ALG14: variants seen among roughly 807,000 people sequenced by gnomAD.
The protein encoded by ALG14 is UDP-N-acetylglucosamine transferase subunit ALG14.
A neutral mutation model predicts 22.8 loss-of-function variants in ALG14; 17 were observed. That is an observed-to-expected ratio of 0.75 (90% CI 0.51 to 1.12). The LOEUF (loss-of-function observed/expected upper bound fraction) is 1.12, where lower values mean the gene tolerates loss of function less well. Among genes scored for constraint, ALG14 ranks in the 50% most tolerant of loss-of-function variants. The pLI is 0.00. For missense variants in ALG14, 288 were observed against 271.8 expected, an observed-to-expected ratio of 1.06 and a Z score of -0.42; for synonymous variants, 89 against 103.7, an observed-to-expected ratio of 0.86 and a Z score of 0.86.
chr1:95,016,451 GAAT>G (rs1459928792), intron 3 of ALG14, among the ~76,000 whole-genome samples: 1 of 152,070 alleles, frequency 6.6e-6, no homozygotes. Flanking sequence ...AATGACCATT[GAAT>G]AATATGACTG....
intron 3 of ALG14, among the ~76,000 whole-genome samples, chr1:95,021,259 A>C (rs1328201247): frequency 2.0e-5 from 3 of 152,164 alleles, no homozygotes; most frequent in Non-Finnish European, 4.4e-5. Flanking sequence ...TTCAAAATTT[A>C]TTGAACTCCT....
intron 1 of ALG14, 40 bp from the exon 2 acceptor site, chr1:95,065,057 C>T (rs1363660820): frequency 2.5e-6 from 4 of 1,572,056 alleles, no homozygotes; most frequent in Non-Finnish European, 2.6e-6. Context: ...AAGAAACCCA[C>T]AATGGACATA....
At chr1:95,041,093 A>G (rs1357457319) in intron 2 of ALG14, among the ~76,000 whole-genome samples, 1 of 152,226 alleles carries the variant, frequency 6.6e-6, no homozygotes, top group Non-Finnish European at 1.5e-5. Flanking sequence ...ATAAGAATCT[A>G]TTCACTGAAA....
At chr1:95,039,040 A>G (rs72720246) in intron 2 of ALG14, among the ~76,000 whole-genome samples, 11,986 of 152,254 alleles carry the variant, frequency 0.079, 496 homozygotes, top group African/African-American at 0.11. Context: ...ATTCTTTGAT[A>G]AGGTAAATCA....
chr1:95,066,247 G>A (rs72720259), intron 1 of ALG14, among the ~76,000 whole-genome samples: 1 of 151,812 alleles, frequency 6.6e-6, no homozygotes, highest in Non-Finnish European at 1.5e-5. Flanking sequence ...CCCCCAGGTG[G>A]AGTTTCACGC....
At chr1:95,014,871 G>A (rs1673459544) in intron 3 of ALG14, among the ~76,000 whole-genome samples, 1 of 152,152 alleles carries the variant, frequency 6.6e-6, no homozygotes, top group Non-Finnish European at 1.5e-5. Flanking sequence ...GTAATTCAAT[G>A]AATAGCATTT....
chr1:95,026,304 A>G (rs1673813190), intron 3 of ALG14, among the ~76,000 whole-genome samples: 1 of 152,196 alleles, frequency 6.6e-6, no homozygotes, highest in African/African-American at 2.4e-5. Flanking sequence ...CCTATTGCAA[A>G]TGCCTTCCTC....
chr1:95,030,728 G>A (rs907728096), intron 2 of ALG14, among the ~76,000 whole-genome samples: 4 of 152,214 alleles, frequency 2.6e-5, no homozygotes, highest in African/African-American at 4.8e-5. Context: ...TAAAGCCTAT[G>A]CAAGAGCGTC....
intron 3 of ALG14, among the ~76,000 whole-genome samples, chr1:94,991,540 C>T (rs1391886993): frequency 6.6e-6 from 1 of 152,036 alleles, no homozygotes; most frequent in African/African-American, 2.4e-5. Flanking sequence ...AAATGGGACA[C>T]CTGTATAGGG....
chr1:95,027,716 T>C (rs917125027), intron 2 of ALG14, among the ~76,000 whole-genome samples: 3 of 152,204 alleles, frequency 2.0e-5, no homozygotes, highest in Admixed American at 1.3e-4. Context: ...GCCTACCTGA[T>C]TGGCAACGAC....
At chr1:95,061,422 G>A (rs892257894) in intron 2 of ALG14, among the ~76,000 whole-genome samples, 8 of 152,066 alleles carry the variant, frequency 5.3e-5, no homozygotes, top group African/African-American at 1.9e-4. Flanking sequence ...ATACATTTTA[G>A]TAGTATGTTA....
chr1:95,021,567 T>C (rs1673663102), intron 3 of ALG14, among the ~76,000 whole-genome samples: 1 of 152,236 alleles, frequency 6.6e-6, no homozygotes, highest in African/African-American at 2.4e-5. Flanking sequence ...CATCACTTTC[T>C]TGATTTTCAA....
At chr1:95,054,874 T>A (rs2100820687) in intron 2 of ALG14, among the ~76,000 whole-genome samples, 1 of 152,314 alleles carries the variant, frequency 6.6e-6, no homozygotes, top group African/African-American at 2.4e-5. Context: ...AAAGGAAAAG[T>A]ACAATCTCAC....
intron 1 of ALG14, among the ~76,000 whole-genome samples, chr1:95,072,451 C>T (rs1222356468): frequency 5.3e-5 from 8 of 152,112 alleles, no homozygotes. Context: ...AACAGCCATA[C>T]GGGGAAACTG....
chr1:95,004,634 G>C (rs1439099372), intron 3 of ALG14, among the ~76,000 whole-genome samples: 1 of 151,732 alleles, frequency 6.6e-6, no homozygotes, highest in African/African-American at 2.4e-5. Context: ...CGAGTAGCTG[G>C]GACTACAAGC....
intron 3 of ALG14, among the ~76,000 whole-genome samples, chr1:95,017,099 T>A (rs1047300535): frequency 2.6e-5 from 4 of 152,056 alleles, no homozygotes; most frequent in African/African-American, 9.6e-5. Flanking sequence ...GGATCATCAG[T>A]TTGCTGCAGA....
chr1:95,002,727 T>C (rs1237908667), intron 3 of ALG14, among the ~76,000 whole-genome samples: 1 of 152,208 alleles, frequency 6.6e-6, no homozygotes, highest in Non-Finnish European at 1.5e-5. Flanking sequence ...CGATAGTATC[T>C]ACTGCTCCTT....
chr1:95,002,992 G>C (rs569677155), intron 3 of ALG14, among the ~76,000 whole-genome samples: 1 of 152,218 alleles, frequency 6.6e-6, no homozygotes, highest in African/African-American at 2.4e-5. Flanking sequence ...ACTTAAGTGT[G>C]AGTGAAAGCA....
rs1672435577 is a variant in ALG14 at position 94,978,337 on chromosome 1, A to T, written c.*4739T>A. The stretch of plus-strand genomic sequence containing the variant: ...TGGCCTCCCAAAGTGCTGGGATTAC[A>T]GGCGTGAGCCACCATGCCTGGCCAA... On this transcript the variant is annotated 3_prime_UTR_variant, in exon 4 of 4. Transcript: ENST00000370205. 1 of 152,294 alleles carries T rather than the reference A, an allele frequency of 6.6e-6. No individual in the cohort carries two copies. Among genetic ancestry groups the T allele is most frequent in the Non-Finnish European group, 1.5e-5 (1 of 68,122 alleles). The allele number at this position is 152,294 out of a possible 1,614,324, so 9.4% of individuals were successfully genotyped here.
Sources: gnomAD v4.1 joint callset for allele counts (sites outside exome capture counted in the v4.1 genomes callset) on GRCh38, gnomAD v4.1.1 for gene constraint, MANE v1.5 for transcripts, NCBI Gene and HGNC (gene_info 2026-07-23, HGNC 2026-07-21) for gene names.